MAP6: variants seen among roughly 807,000 people sequenced by gnomAD.
The protein encoded by MAP6 is microtubule associated protein 6.
MAP6 carries 26 observed loss-of-function variants against 42.4 expected under a neutral mutation model. That is an observed-to-expected ratio of 0.61 (90% CI 0.45 to 0.85). MAP6 has a LOEUF of 0.85. Ranked by LOEUF, MAP6 falls within the 40% of genes least tolerant of loss-of-function variation. The pLI is 0.00. For missense variants in MAP6, 966 were observed against 1,099.0 expected (o/e 0.88, Z 1.71); for synonymous variants, 418 against 443.8 (o/e 0.94, Z 0.73).
Position 75,588,088 on chromosome 11 carries a change from C to T in MAP6, c.1413G>A (p.Leu471=), listed in dbSNP as rs1474364710. Residue 471 remains leucine, a synonymous_variant, in exon 4 of 4, where the codon CTG becomes CTA. Coordinates refer to ENST00000304771, the MANE Select transcript of MAP6 (RefSeq NM_033063.2). The part of the protein sequence containing the change: ...KDQGSVVPGL[L]KGQGPMVQEP... ...CTTGCACCATAGGACCTTGACCTTT[C>T]AGAAGGCCTGGGACCACAGAACCTT... is the stretch of plus-strand genomic sequence containing the variant. 2 of 1,613,870 alleles carry T rather than the reference C, an allele frequency of 1.2e-6. No homozygotes were observed. Among genetic ancestry groups the T allele is most frequent in the African/African-American group, 1.3e-5 (1 of 74,990 alleles).
intron 1 of MAP6, among the ~76,000 whole-genome samples, chr11:75,661,285 A>T (rs1943839559): frequency 6.6e-6 from 1 of 152,090 alleles, no homozygotes; most frequent in Non-Finnish European, 1.5e-5. Context: ...TTTGAGGAGG[A>T]GCCCTTCTTA....
Position 75,667,041 on chromosome 11 carries a change from G to A in MAP6, c.905+424C>T, listed in dbSNP as rs186220994. ...AGGGAACTGGGCTAGGGAGGAGGGC[G>A]AGAGGCCACTTGGAAAGAATTCTTC... On this transcript the variant is annotated intron_variant, in intron 1 of 3. Coordinates refer to ENST00000304771, the MANE Select transcript of MAP6 (RefSeq NM_033063.2). This position sits in a 1 kb window ranked among gnomAD's most constrained non-coding sequence, Gnocchi z 5.6. Among the ~76,000 whole-genome samples, 1 of 152,306 alleles carries A rather than the reference G, an allele frequency of 6.6e-6. No individual in the cohort carries two copies. Among genetic ancestry groups the A allele is most frequent in the African/African-American group, 2.4e-5 (1 of 41,580 alleles).
intron 1 of MAP6, among the ~76,000 whole-genome samples, chr11:75,617,502 C>A: frequency 1.1e-5 from 1 of 93,204 alleles, no homozygotes; most frequent in Non-Finnish European, 1.9e-5. Context: ...GGCAACAGAG[C>A]AAGACTGTCT....
intron 3 of MAP6, chr11:75,605,018 T>G (rs140855543): frequency 3.0e-6 from 3 of 985,486 alleles, no homozygotes; most frequent in Non-Finnish European, 3.6e-6. Context: ...ACCAGCAGCA[T>G]TGGACAGGTG....
intron 1 of MAP6, among the ~76,000 whole-genome samples, chr11:75,627,020 T>G (rs1485618260): frequency 1.3e-5 from 2 of 152,208 alleles, no homozygotes; most frequent in African/African-American, 2.4e-5. Context: ...CATTACAAAT[T>G]GAAAACAGGC....
intron 1 of MAP6, among the ~76,000 whole-genome samples, chr11:75,613,476 G>A (rs750736127): frequency 7.9e-5 from 12 of 152,096 alleles, no homozygotes; most frequent in Non-Finnish European, 7.4e-5. Flanking sequence ...TCCCATATCC[G>A]TGAGTTTCTA....
chr11:75,631,865 A>C (rs1466902103), intron 1 of MAP6, among the ~76,000 whole-genome samples: 1 of 152,252 alleles, frequency 6.6e-6, no homozygotes, highest in African/African-American at 2.4e-5. Context: ...ATCCAATTTC[A>C]TCCAGCAAAT....
intron 3 of MAP6, chr11:75,605,509 G>A: frequency 8.5e-7 from 1 of 1,179,266 alleles, no homozygotes; most frequent in Non-Finnish European, 1.1e-6. Context: ...TCGCCTCTCA[G>A]ACCTGCCTGC....
At chr11:75,610,455 T>A (rs947227970) in intron 1 of MAP6, among the ~76,000 whole-genome samples, 1 of 152,038 alleles carries the variant, frequency 6.6e-6, no homozygotes, top group Non-Finnish European at 1.5e-5. Context: ...CCCAAGTGAG[T>A]AGGAAAAGGC....
At chr11:75,640,236 C>T (rs531053311) in intron 1 of MAP6, among the ~76,000 whole-genome samples, 8 of 150,918 alleles carry the variant, frequency 5.3e-5, no homozygotes, top group African/African-American at 1.2e-4. Flanking sequence ...CTCTCTCACA[C>T]GTCTTTCCCT....
intron 1 of MAP6, among the ~76,000 whole-genome samples, chr11:75,649,208 A>G (rs1156918793): frequency 6.6e-6 from 1 of 152,242 alleles, no homozygotes; most frequent in Admixed American, 6.5e-5. Context: ...AGCCATTAAA[A>G]AGAACGATCT....
intron 1 of MAP6, among the ~76,000 whole-genome samples, chr11:75,658,825 G>A (rs898810654): frequency 4.6e-5 from 7 of 151,862 alleles, no homozygotes; most frequent in African/African-American, 1.5e-4. Flanking sequence ...CCCATTTACC[G>A]CCAACTCATC....
intron 1 of MAP6, among the ~76,000 whole-genome samples, chr11:75,620,807 AC>A (rs1476195191): frequency 6.6e-6 from 1 of 152,182 alleles, no homozygotes; most frequent in Admixed American, 6.5e-5. Flanking sequence ...AAGAACAAAA[AC>A]CATATGATCA....
intron 1 of MAP6, among the ~76,000 whole-genome samples, chr11:75,610,455 T>C (rs947227970): frequency 6.6e-6 from 1 of 152,038 alleles, no homozygotes; most frequent in Admixed American, 6.6e-5. Flanking sequence ...CCCAAGTGAG[T>C]AGGAAAAGGC....
At chr11:75,588,386 A>G (rs1403743264) in intron 3 of MAP6, among the ~76,000 whole-genome samples, 2 of 152,038 alleles carry the variant, frequency 1.3e-5, no homozygotes, top group Non-Finnish European at 2.9e-5. Flanking sequence ...AGGCTCAGGA[A>G]TCAGTCATTC....
At chr11:75,629,280 G>T (rs557591231) in intron 1 of MAP6, among the ~76,000 whole-genome samples, 1 of 152,052 alleles carries the variant, frequency 6.6e-6, no homozygotes, top group Non-Finnish European at 1.5e-5. Flanking sequence ...TAGAGATGGG[G>T]TTTCACCATG....
chr11:75,602,839 A>G lies in MAP6; in HGVS notation c.1316+2969T>C, dbSNP rs893382793. 3 of 985,490 alleles carry G rather than the reference A, an allele frequency of 3.0e-6. No homozygotes were observed. In the African/African-American group the frequency reaches 5.2e-5, roughly 17 times the overall value. 61.0% of individuals were successfully genotyped at this position (985,490 alleles called of 1,614,324 possible). On this transcript the variant is annotated intron_variant, in intron 3 of 3. Transcript: ENST00000304771. Reference sequence around the variant, plus strand: ...TTCACCTACTCAGGTGGGCCTCACCAAGGAAATAAGATCAAGAAAGTGGTG... The same window carrying G: ...TTCACCTACTCAGGTGGGCCTCACCGAGGAAATAAGATCAAGAAAGTGGTG...
At chr11:75,639,582 C>G (rs1943428305) in intron 1 of MAP6, among the ~76,000 whole-genome samples, 1 of 152,218 alleles carries the variant, frequency 6.6e-6, no homozygotes, top group Non-Finnish European at 1.5e-5. Flanking sequence ...GGAGACATCT[C>G]ACTCTAAATT....
intron 3 of MAP6, 45 bp from the exon 4 acceptor site, chr11:75,588,229 C>G (rs1420573387): frequency 2.6e-6 from 4 of 1,559,012 alleles, no homozygotes; most frequent in African/African-American, 2.7e-5. Flanking sequence ...AGAGCTCAGG[C>G]AGGGACAGGG....
Sources: gnomAD v4.1 joint callset for allele counts (sites outside exome capture counted in the v4.1 genomes callset) on GRCh38, gnomAD v4.1.1 for gene constraint, Gnocchi (gnomAD v3.1) non-coding constraint, MANE v1.5 for transcripts, NCBI Gene and HGNC (gene_info 2026-07-23, HGNC 2026-07-21) for gene names.